The following DEAF1 variants were observed in gnomAD, a reference collection of about 807,000 sequenced individuals.
DEAF1 encodes the protein deformed epidermal autoregulatory factor 1 homolog.
In DEAF1, 53 loss-of-function variants were observed where a neutral mutation model predicts 58.9. That is an observed-to-expected ratio of 0.90 (90% CI 0.72 to 1.13). The LOEUF (loss-of-function observed/expected upper bound fraction) is 1.13. DEAF1 is among the 50% of genes most tolerant of loss of function. The pLI is 0.00. For synonymous variants in DEAF1, 385 were observed against 340.4 expected, an observed-to-expected ratio of 1.13 and a Z score of -1.44; for missense variants, 685 against 791.4, an observed-to-expected ratio of 0.87 and a Z score of 1.61.
rs1326829589 is a variant in DEAF1, at chr11:660,199, G to A, written c.1504-6148C>T. On this transcript the variant is annotated intron_variant, in intron 10 of 11. Coordinates refer to ENST00000382409, the MANE Select transcript of DEAF1 (RefSeq NM_021008.4). ...GAGAAAACCCTCAAAACATCAAGCA[G>A]GTTTATCTGAAAGCTGAGCCGCACA... Among the ~76,000 whole-genome samples the A allele has an allele frequency of 4.6e-5, 7 of 152,218 alleles. No homozygotes were observed. The East Asian group carries it at 1.3e-3, about 29-fold the overall frequency.
chr11:653,167 G>C (rs994677901), intron 11 of DEAF1, among the ~76,000 whole-genome samples: 1 of 149,100 alleles, frequency 6.7e-6, no homozygotes, highest in Admixed American at 6.7e-5. Context: ...ATACAATCCT[G>C]AACTACCGTT....
intron 1 of DEAF1, among the ~76,000 whole-genome samples, chr11:700,422 G>A (rs1861396323): frequency 6.6e-6 from 1 of 151,906 alleles, no homozygotes; most frequent in South Asian, 2.1e-4. Flanking sequence ...AGCTACTCGG[G>A]AGACTGAGGT....
chr11:679,900 C>G, intron 7 of DEAF1, 84 bp from the exon 8 acceptor site: 3 of 1,584,408 alleles, frequency 1.9e-6, no homozygotes, highest in Non-Finnish European at 2.6e-6. Context: ...GGCGCCAATC[C>G]TTGTGGGGGC....
chr11:699,536 C>A (rs193260888), upstream of DEAF1: 1 of 153,776 alleles, frequency 6.5e-6, no homozygotes, highest in Non-Finnish European at 1.4e-5. Flanking sequence ...CACTTGACAC[C>A]AGGAGTTTCA....
At chr11:697,725 A>C (rs1406498617), upstream of DEAF1, 1 of 152,236 alleles carries the variant, frequency 6.6e-6, no homozygotes, top group East Asian at 1.9e-4. Flanking sequence ...TAAGGCCTGG[A>C]AAAGAACAGA....
chr11:700,744 A>G (rs1040811847), intron 1 of DEAF1: 1 of 1,542,790 alleles, frequency 6.5e-7, no homozygotes. Flanking sequence ...AACCTGTCCT[A>G]AGAGTTGCTA....
upstream of DEAF1, among the ~76,000 whole-genome samples, chr11:696,828 C>T (rs1314456995): frequency 5.1e-5 from 2 of 39,204 alleles, no homozygotes; most frequent in Non-Finnish European, 1.2e-4. Context: ...GCCTGTAATC[C>T]CAGCACTTTG....
At chr11:695,280 C>T (rs1344797092), upstream of DEAF1, 13 of 461,696 alleles carry the variant, frequency 2.8e-5, no homozygotes, top group African/African-American at 2.5e-4. Context: ...CGAACCTGCA[C>T]GAAGCCGCCG....
chr11:679,050 C>T (rs1454677901), intron 8 of DEAF1, among the ~76,000 whole-genome samples: 4 of 152,156 alleles, frequency 2.6e-5, no homozygotes, highest in African/African-American at 4.8e-5. Flanking sequence ...CGGTGGCTCA[C>T]GCCTGTAATC....
intron 10 of DEAF1, among the ~76,000 whole-genome samples, chr11:670,664 G>A (rs894488807): frequency 4.0e-5 from 6 of 150,462 alleles, no homozygotes; most frequent in South Asian, 4.2e-4. Context: ...GCAGTGAGCC[G>A]AGATCACACC....
At chr11:685,742 G>A (rs1171478655) in intron 5 of DEAF1, among the ~76,000 whole-genome samples, 2 of 152,028 alleles carry the variant, frequency 1.3e-5, no homozygotes, top group Non-Finnish European at 2.9e-5. Context: ...CAGGCCAGGT[G>A]TGGTGGCTCA....
In DEAF1 at chr11:694,881, GCCTCCGAGTCTGCGTCCT is replaced by G. The variant is rs1256713448; in HGVS notation, c.149_166del (p.Glu50_Glu55del). ...CGTGACCCGCGGCGTCTCCCGCTCCGCCTCCGAGTCTGCGTCCTCCTCCGAGTCCTCGTCCCTGCTCAG... is the reference window on the plus strand; with the variant it reads ...CGTGACCCGCGGCGTCTCCCGCTCCGCCTCCGAGTCCTCGTCCCTGCTCAG... On this transcript the variant is annotated inframe_deletion, in exon 1 of 12. Transcript: ENST00000382409. The G allele has an allele frequency of 3.3e-6, 5 of 1,500,758 alleles. No homozygotes were observed. The highest frequency in any genetic ancestry group is 1.4e-5 in the African/African-American group (1 of 69,432). The allele number at this position is 1,500,758 out of a possible 1,614,324, so 93.0% of individuals were successfully genotyped here. A position where few individuals can be genotyped will look rare whatever the true frequency, so the allele number is the denominator to read the frequency against.
At chr11:691,189 G>A (rs773197111) in intron 2 of DEAF1, among the ~76,000 whole-genome samples, 4 of 152,244 alleles carry the variant, frequency 2.6e-5, no homozygotes, top group Admixed American at 6.5e-5. Flanking sequence ...GCAGGGCCGG[G>A]CCTCGGGCAG....
chr11:695,850 A>T (rs1371041906), upstream of DEAF1: 5 of 1,228,498 alleles, frequency 4.1e-6, no homozygotes, highest in South Asian at 2.0e-4. Context: ...CGGCGAGGTG[A>T]GCTCGGGCGG....
intron 6 of DEAF1, among the ~76,000 whole-genome samples, chr11:682,072 C>A (rs1296664850): frequency 6.6e-6 from 1 of 152,256 alleles, no homozygotes; most frequent in Non-Finnish European, 1.5e-5. Flanking sequence ...GACTATCTTA[C>A]TGAGCCTGTT....
rs532632266 is a variant in DEAF1, at chr11:682,370, C to A, written c.871-1281G>T. 4.6e-5 allele frequency among the ~76,000 whole-genome samples: 7 copies of A among 152,330 alleles called. No homozygotes were observed. In the South Asian group the frequency reaches 1.4e-3, roughly 32 times the overall value. On this transcript the variant is annotated intron_variant, in intron 6 of 11. Transcript: ENST00000382409. ...CAGATGGGTTCTTCGCTGTGGCTTT[C>A]CTCGCCTCTCTGGTAAACCTGCTGA...
At chr11:696,873 G>T (rs1183963568), upstream of DEAF1, among the ~76,000 whole-genome samples, 1 of 150,980 alleles carries the variant, frequency 6.6e-6, no homozygotes, top group African/African-American at 2.4e-5. Context: ...TGAGGTCGAG[G>T]GTTCAAGACC....
intron 1 of DEAF1, chr11:706,437 G>T: frequency 6.5e-6 from 1 of 152,792 alleles, no homozygotes; most frequent in South Asian, 2.0e-4. Flanking sequence ...CCGAGGGCGC[G>T]GGGCAAGGGG....
chr11:665,525 T>C (rs1859487466), intron 10 of DEAF1, among the ~76,000 whole-genome samples: 2 of 152,254 alleles, frequency 1.3e-5, no homozygotes, highest in South Asian at 2.1e-4. Context: ...CCGCCCTTTC[T>C]AACGTTTTAA....
Sources: gnomAD v4.1 joint callset for allele counts (sites outside exome capture counted in the v4.1 genomes callset) on GRCh38, gnomAD v4.1.1 for gene constraint, MANE v1.5 for transcripts, NCBI Gene and HGNC (gene_info 2026-07-23, HGNC 2026-07-21) for gene names.